Variants in NAE1 observed in about 807,000 individuals in gnomAD.
The protein encoded by NAE1 is NEDD8 activating enzyme E1 subunit 1.
In NAE1, 59 loss-of-function variants were observed where a neutral mutation model predicts 88.0. The ratio of observed to expected loss-of-function variants is 0.67; its 90% CI spans 0.54 to 0.83. NAE1 has a LOEUF of 0.83. Among genes scored for constraint, NAE1 ranks in the 40% least tolerant of loss-of-function variants. NAE1 has a pLI of 0.00. For synonymous variants in NAE1, 186 were observed against 208.9 expected, an observed-to-expected ratio of 0.89 and a Z score of 0.95; for missense variants, 554 against 632.8, an observed-to-expected ratio of 0.88 and a Z score of 1.34.
intron 7 of NAE1, among the ~76,000 whole-genome samples, chr16:66,819,623 A>G (rs185425979): frequency 3.9e-5 from 6 of 152,352 alleles, no homozygotes; most frequent in African/African-American, 9.6e-5. Context: ...TTGCAAATAC[A>G]TATTAGATGA....
intron 17 of NAE1, 36 bp from the exon 18 acceptor site, chr16:66,806,062 T>C (rs1342840525): frequency 6.4e-7 from 1 of 1,565,142 alleles, no homozygotes; most frequent in Non-Finnish European, 8.6e-7. Flanking sequence ...AAAATAAATG[T>C]GATTCAAAAT....
chr16:66,804,627 AT>A (rs1223560647), intron 19 of NAE1, among the ~76,000 whole-genome samples: 1 of 152,030 alleles, frequency 6.6e-6, no homozygotes, highest in African/African-American at 2.4e-5. Flanking sequence ...CAGGACAGTA[AT>A]TTTTTTTGAG....
intron 8 of NAE1, among the ~76,000 whole-genome samples, chr16:66,817,708 CA>C (rs747947998): frequency 1.4e-4 from 22 of 152,112 alleles, no homozygotes; most frequent in Non-Finnish European, 3.2e-4. Context: ...ATTATACCAG[CA>C]AAACAGTCTC....
intron 7 of NAE1, 36 bp downstream of exon 7, chr16:66,821,414 C>A: frequency 1.3e-6 from 2 of 1,486,628 alleles, no homozygotes; most frequent in Admixed American, 2.5e-5. Context: ...ATAGCTAAAG[C>A]AACCAATAGT....
In NAE1 at chr16:66,826,584, C is replaced by A. The variant is rs746007943; in HGVS notation, c.158-1G>T. 7 of 1,614,148 alleles carry A rather than the reference C, an allele frequency of 4.3e-6. No homozygotes were observed. Among genetic ancestry groups the A allele is most frequent in the Non-Finnish European group, 5.9e-6 (7 of 1,180,006 alleles). On this transcript the variant is annotated splice_acceptor_variant, in intron 2 of 19. Coordinates refer to ENST00000290810, the MANE Select transcript of NAE1 (RefSeq NM_003905.4). LOFTEE classifies it high-confidence loss of function. The stretch of plus-strand genomic sequence containing the variant: ...TCAATAATTGTAAACGAACCAATAC[C>A]TGAGAGCCAAAACAGAGTCAGTCAG...
chr16:66,827,749 T>C (rs1445672249), intron 1 of NAE1, among the ~76,000 whole-genome samples: 2 of 152,242 alleles, frequency 1.3e-5, no homozygotes, highest in Non-Finnish European at 2.9e-5. Context: ...ATGAACATTC[T>C]AATAGAGTGA....
intron 7 of NAE1, among the ~76,000 whole-genome samples, chr16:66,820,826 G>C (rs1052839400): frequency 1.3e-4 from 19 of 151,716 alleles, no homozygotes; most frequent in African/African-American, 4.1e-4. Flanking sequence ...GCGTGAACCC[G>C]GGAGGTGGAG....
At chr16:66,805,529 T>G in intron 19 of NAE1, 1 of 369,550 alleles carries the variant, frequency 2.7e-6, no homozygotes, top group Non-Finnish European at 4.8e-6. Flanking sequence ...GTCCCAGCTA[T>G]TCAGGAGGCG....
intron 7 of NAE1, among the ~76,000 whole-genome samples, chr16:66,819,446 T>A (rs368974105): frequency 9.0e-4 from 137 of 152,344 alleles, no homozygotes; most frequent in African/African-American, 3.0e-3. Flanking sequence ...GTAGGCCCAG[T>A]TCTGTCACTT....
At chr16:66,824,555 GC>G (rs1238898034) in intron 4 of NAE1, 1 of 191,866 alleles carries the variant, frequency 5.2e-6, no homozygotes, top group Non-Finnish European at 1.1e-5. Context: ...TCGCGCCACT[GC>G]ACTCCAGCCT....
rs1960054699 is a variant in NAE1 at position 66,816,650 on chromosome 16, C to T, written c.771G>A (p.Gly257=). ...CAAAATTCTCTTCATCTTCTGGAGC[C>T]CCATTTTCATTTTTTAGAATTCCTA... ...IRQGILKNEN[G]APEDEENFEE... is the part of the protein sequence containing the mutation. Residue 257 remains glycine, a synonymous_variant, in exon 11 of 20, where the codon GGG becomes GGA. Coordinates refer to ENST00000290810, the MANE Select transcript of NAE1 (RefSeq NM_003905.4). 6.2e-7 allele frequency: 1 copy of T among 1,611,632 alleles called. No homozygotes were observed. Among genetic ancestry groups the T allele is most frequent in the African/African-American group, 1.3e-5 (1 of 74,906 alleles).
At chr16:66,814,538 A>T (rs911492955) in intron 11 of NAE1, among the ~76,000 whole-genome samples, 2 of 149,996 alleles carry the variant, frequency 1.3e-5, no homozygotes, top group Non-Finnish European at 3.0e-5. Flanking sequence ...GGCTGCAGTG[A>T]GCAGTGATTG....
chr16:66,829,664 T>C (rs1960612813), intron 1 of NAE1, among the ~76,000 whole-genome samples: 1 of 152,168 alleles, frequency 6.6e-6, no homozygotes, highest in African/African-American at 2.4e-5. Flanking sequence ...GCAGCTTTGT[T>C]ATCTCCACAG....
chr16:66,811,104 T>TG (rs369816661), intron 13 of NAE1, among the ~76,000 whole-genome samples: 2 of 152,228 alleles, frequency 1.3e-5, no homozygotes, highest in African/African-American at 4.8e-5. Flanking sequence ...ACTTATCTCC[T>TG]GGAAGTCAAG....
In NAE1 at chr16:66,805,816, C is replaced by T; in HGVS notation, c.1456G>A (p.Gly486Arg). 6.5e-7 allele frequency: 1 copy of T among 1,540,416 alleles called. No homozygotes were observed. Among genetic ancestry groups the T allele is most frequent in the Non-Finnish European group, 8.7e-7 (1 of 1,149,896 alleles). ...DDYVHEFCRY[G>R]AAEPHTIAAF... ...GCAATGGTATGTGGCTCAGCAGCTCCATATCGGCAACTAAAGGAGACCACA... is the reference window on the plus strand; with the variant it reads ...GCAATGGTATGTGGCTCAGCAGCTCTATATCGGCAACTAAAGGAGACCACA... The change falls in exon 19 of 20, where the codon GGA becomes AGA. Residue 486 changes from glycine (G) to arginine (R), a missense_variant. Gly to Arg is a moderately radical substitution (Grantham distance 125). Coordinates refer to ENST00000290810, the MANE Select transcript of NAE1 (RefSeq NM_003905.4).
intron 2 of NAE1, 39 bp from the exon 3 acceptor site, chr16:66,826,622 C>T (rs201020103): frequency 2.3e-4 from 368 of 1,613,894 alleles, no homozygotes; most frequent in Non-Finnish European, 2.4e-4. Context: ...ATACATAGTT[C>T]TAGGTCATAA....
intron 4 of NAE1, 49 bp downstream of exon 4, chr16:66,824,806 A>G (rs1339870103): frequency 2.0e-6 from 3 of 1,505,658 alleles, no homozygotes; most frequent in Non-Finnish European, 2.7e-6. Context: ...ATCAAAACAC[A>G]GGGGCATCAT....
rs919793254 is a variant in NAE1 at position 66,810,423 on chromosome 16, G to A, written c.1111-10C>T. The stretch of plus-strand genomic sequence containing the variant: ...AAATGGACTCTGGTGCCTGTAAAGA[G>A]ATAAATACAGATTCTGTTCCAGTTT... On this transcript the variant is annotated splice_polypyrimidine_tract_variant and intron_variant, in intron 14 of 19. Transcript: ENST00000290810. 6.3e-7 allele frequency: 1 copy of A among 1,594,832 alleles called. No homozygotes were observed.
intron 13 of NAE1, 101 bp downstream of exon 13, chr16:66,813,463 G>A (rs897376686): frequency 7.4e-7 from 1 of 1,360,456 alleles, no homozygotes; most frequent in Non-Finnish European, 1.0e-6. Context: ...AAGCAATGAG[G>A]TTGTAATAAA....
Sources: allele counts gnomAD v4.1 joint callset (sites outside exome capture counted in the v4.1 genomes callset), GRCh38; gene constraint gnomAD v4.1.1; transcripts MANE v1.5; gene names NCBI Gene and HGNC (gene_info 2026-07-23, HGNC 2026-07-21).